The following SWAP70 variants were observed in gnomAD, a reference collection of about 807,000 sequenced individuals.
SWAP70 encodes switching B cell complex subunit SWAP70.
A neutral mutation model predicts 80.2 loss-of-function variants in SWAP70; 34 were observed. That is an observed-to-expected ratio of 0.42 (90% CI 0.32 to 0.56). The LOEUF is 0.56. Among genes scored for constraint, SWAP70 ranks in the 20% least tolerant of loss-of-function variants. SWAP70 has a pLI of 0.09. For missense variants in SWAP70, 578 were observed against 690.7 expected (o/e 0.84, Z 1.83); for synonymous variants, 239 against 238.5 (o/e 1.00, Z -0.02).
chr11:9,698,093 G>GTTTTTTTTTTTT (rs201181416), intron 2 of SWAP70, among the ~76,000 whole-genome samples: 1 of 109,584 alleles, frequency 9.1e-6, no homozygotes, highest in African/African-American at 3.4e-5. Context: ...GCCAATACAT[G>GTTTTTTTTTTTT]TTTTTTGTTT....
intron 1 of SWAP70, among the ~76,000 whole-genome samples, chr11:9,666,818 G>C (rs1232995513): frequency 6.7e-6 from 1 of 149,552 alleles, no homozygotes; most frequent in African/African-American, 2.5e-5. Flanking sequence ...TCTGCCTCCC[G>C]GGTTCAAGCG....
chr11:9,740,305 A>G lies in SWAP70; in HGVS notation c.1313A>G (p.Gln438Arg). The part of the protein sequence containing the change: ...KLQEALEDER[Q>R]ARQDEETVRK... ...CAGGAGGCTCTTGAAGATGAGAGAC[A>G]GGCCCGGCAAGATGAAGAGACAGTG... Residue 438 changes from glutamine to arginine, a missense_variant, in exon 9 of 12, where the codon CAG becomes CGG. By Grantham distance (43) the Gln-to-Arg change is conservative. Transcript: ENST00000318950. 1 of 1,614,240 alleles carries G rather than the reference A, an allele frequency of 6.2e-7. No homozygotes were observed. The highest frequency in any genetic ancestry group is 8.5e-7 in the Non-Finnish European group (1 of 1,180,028).
At chr11:9,734,349 T>C (rs374222343) in intron 7 of SWAP70, among the ~76,000 whole-genome samples, 1 of 152,230 alleles carries the variant, frequency 6.6e-6, no homozygotes, top group African/African-American at 2.4e-5. Context: ...GATTCATACA[T>C]TGATGCCCTT....
chr11:9,684,739 A>C (rs1850609886), intron 1 of SWAP70, among the ~76,000 whole-genome samples: 1 of 152,212 alleles, frequency 6.6e-6, no homozygotes, highest in Non-Finnish European at 1.5e-5. Context: ...AGTATAGTAA[A>C]ATAAATGCAA....
chr11:9,664,231 G>A lies in SWAP70; in HGVS notation c.52G>A (p.Ala18Thr), dbSNP rs866196064. 2 of 1,594,806 alleles carry A rather than the reference G, an allele frequency of 1.3e-6. No homozygotes were observed. The highest frequency in any genetic ancestry group is 1.7e-6 in the Non-Finnish European group (2 of 1,171,350). The change falls in exon 1 of 12, where the codon GCA becomes ACA. Residue 18 changes from alanine (A) to threonine (T), a missense_variant. Ala to Thr is a moderately conservative substitution (Grantham distance 58). Coordinates refer to ENST00000318950, the MANE Select transcript of SWAP70 (RefSeq NM_015055.4). ...LLKAIWHAFT[A>T]LDQDHSGKVS... Reference sequence around the variant, plus strand: ...CAAAGCCATCTGGCACGCCTTCACCGCACTCGACCAGGACCACAGCGGCAA... The same window carrying A: ...CAAAGCCATCTGGCACGCCTTCACCACACTCGACCAGGACCACAGCGGCAA...
At chr11:9,667,576 T>G (rs1348062552) in intron 1 of SWAP70, among the ~76,000 whole-genome samples, 1 of 151,876 alleles carries the variant, frequency 6.6e-6, no homozygotes, top group Non-Finnish European at 1.5e-5. Flanking sequence ...CTTTTTCTCT[T>G]TTTTTGGAGA....
intron 4 of SWAP70, 61 bp from the exon 5 acceptor site, chr11:9,727,992 A>C: frequency 4.8e-6 from 7 of 1,445,694 alleles, no homozygotes; most frequent in Non-Finnish European, 6.5e-6. Flanking sequence ...ATATCAAGGA[A>C]GAGATGTCAG....
At chr11:9,703,158 T>C (rs1379038054) in intron 2 of SWAP70, among the ~76,000 whole-genome samples, 2 of 152,208 alleles carry the variant, frequency 1.3e-5, no homozygotes, top group Non-Finnish European at 2.9e-5. Context: ...TCTGGACATA[T>C]AATATTAATG....
intron 11 of SWAP70, among the ~76,000 whole-genome samples, chr11:9,749,586 G>A (rs186672825): frequency 2.9e-4 from 44 of 152,258 alleles, no homozygotes; most frequent in Admixed American, 1.0e-3. Context: ...TTTCACTTGT[G>A]TATTTGAATT....
chr11:9,705,378 A>G (rs973070078), intron 2 of SWAP70, among the ~76,000 whole-genome samples: 2 of 121,762 alleles, frequency 1.6e-5, no homozygotes, highest in Non-Finnish European at 3.2e-5. Flanking sequence ...GGTGATCTGT[A>G]TACACTGGTG....
chr11:9,741,464 A>G (rs915949890), intron 9 of SWAP70: 2 of 152,168 alleles, frequency 1.3e-5, no homozygotes, highest in African/African-American at 4.8e-5. Flanking sequence ...TTAGCAGAAG[A>G]GTCACTCTAC....
chr11:9,676,640 T>C (rs1850504034), intron 1 of SWAP70, among the ~76,000 whole-genome samples: 1 of 151,258 alleles, frequency 6.6e-6, no homozygotes, highest in Non-Finnish European at 1.5e-5. Flanking sequence ...ATGTTAAGTA[T>C]AGATGCAGTT....
rs753743443 is a variant in SWAP70, at chr11:9,738,339, G to A, written c.1188+19G>A. 26 of 1,561,572 alleles carry A rather than the reference G, an allele frequency of 1.7e-5. No individual in the cohort carries two copies. Among genetic ancestry groups the A allele is most frequent in the South Asian group, 1.2e-4 (10 of 83,980 alleles). On this transcript the variant is annotated intron_variant, in intron 8 of 11. Transcript: ENST00000318950. Reference sequence around the variant, plus strand: ...GAAGCTTGTGAGTATCACATGGCTGGAGAAAGCAGCTGCAGTAGCTCAGCC... The same window carrying A: ...GAAGCTTGTGAGTATCACATGGCTGAAGAAAGCAGCTGCAGTAGCTCAGCC...
chr11:9,666,312 C>T (rs938981723), intron 1 of SWAP70, among the ~76,000 whole-genome samples: 1 of 152,110 alleles, frequency 6.6e-6, no homozygotes, highest in African/African-American at 2.4e-5. Flanking sequence ...TCTTGAACTC[C>T]TGAGCTCAGG....
At chr11:9,698,282 G>C (rs998310396) in intron 2 of SWAP70, among the ~76,000 whole-genome samples, 1 of 151,864 alleles carries the variant, frequency 6.6e-6, no homozygotes, top group African/African-American at 2.4e-5. Context: ...TGCATTTTTT[G>C]TTGAGATGGG....
At chr11:9,685,743 C>T (rs1465614134) in intron 1 of SWAP70, among the ~76,000 whole-genome samples, 2 of 152,118 alleles carry the variant, frequency 1.3e-5, no homozygotes, top group Non-Finnish European at 2.9e-5. Flanking sequence ...AAGCAATTCT[C>T]CTGCCTCAGC....
At chr11:9,721,482 T>C (rs556595343) in intron 3 of SWAP70, among the ~76,000 whole-genome samples, 1 of 151,552 alleles carries the variant, frequency 6.6e-6, no homozygotes, top group South Asian at 2.1e-4. Context: ...TTTTTTTTTT[T>C]TTTTAATGAG....
At chr11:9,748,972 C>G in intron 10 of SWAP70, 115 bp from the exon 11 acceptor site, 1 of 505,186 alleles carries the variant, frequency 2.0e-6, no homozygotes, top group Non-Finnish European at 3.5e-6. Context: ...TTAGAATGGG[C>G]TATGAGAGGA....
intron 3 of SWAP70, 123 bp from the exon 4 acceptor site, chr11:9,724,535 G>A: frequency 1.4e-6 from 1 of 689,970 alleles, no homozygotes; most frequent in South Asian, 2.0e-5. Context: ...TCTAAAGGTA[G>A]GCATTTTTGG....
Sources: gnomAD v4.1 joint callset for allele counts (sites outside exome capture counted in the v4.1 genomes callset) on GRCh38, gnomAD v4.1.1 for gene constraint, MANE v1.5 for transcripts, NCBI Gene and HGNC (gene_info 2026-07-23, HGNC 2026-07-21) for gene names.